The following ARMH1 variants were observed in gnomAD, a reference collection of about 807,000 sequenced individuals.
ARMH1 encodes armadillo-like helical domain containing protein 1.
Under a neutral mutation model 50.2 loss-of-function variants are expected in ARMH1, and 34 were observed. The observed-to-expected ratio is 0.68, with a 90% confidence interval of 0.51 to 0.90. The LOEUF is 0.90. Ranked by LOEUF, ARMH1 falls within the 40% of genes least tolerant of loss-of-function variation. The probability of loss-of-function intolerance (pLI) is 0.00; values close to 1 mark genes in which losing one functional copy is unlikely to be tolerated. For synonymous variants in ARMH1, 221 were observed against 224.2 expected, an observed-to-expected ratio of 0.99 and a Z score of 0.13; for missense variants, 538 against 553.9, an observed-to-expected ratio of 0.97 and a Z score of 0.29.
In ARMH1 at chr1:44,724,696, G is replaced by T; in HGVS notation, c.1050+28G>T. 6.8e-7 allele frequency: 1 copy of T among 1,481,024 alleles called. No individual in the cohort carries two copies. The allele number at this position is 1,481,024 out of a possible 1,614,324, so 91.7% of individuals were successfully genotyped here. ...GCGCGCGGCGGCTGGTTAGGGGGCG[G>T]GAAGGGCGGCGGCACCCGCAGCCCC... On this transcript the variant is annotated intron_variant, in intron 9 of 11. Transcript: ENST00000535358. This position sits in a 1 kb window ranked among gnomAD's most constrained non-coding sequence, Gnocchi z 6.4.
intron 6 of ARMH1, among the ~76,000 whole-genome samples, chr1:44,712,205 T>C (rs1480758187): frequency 6.6e-6 from 1 of 152,154 alleles, no homozygotes; most frequent in Non-Finnish European, 1.5e-5. Flanking sequence ...TCACCTGTAA[T>C]CCCAGAACTT....
intron 4 of ARMH1, among the ~76,000 whole-genome samples, chr1:44,700,346 C>G (rs532366132): frequency 6.5e-4 from 99 of 152,228 alleles, no homozygotes; most frequent in Admixed American, 1.5e-3. Context: ...GGCCGGGCGC[C>G]GTGGCTCACG....
At chr1:44,717,679 C>G (rs1425528677) in intron 6 of ARMH1, among the ~76,000 whole-genome samples, 1 of 152,228 alleles carries the variant, frequency 6.6e-6, no homozygotes, top group Admixed American at 6.5e-5. Context: ...CTGGCACAGA[C>G]AAGATGCTCA....
At chr1:44,709,398 C>A (rs2093196) in intron 6 of ARMH1, among the ~76,000 whole-genome samples, 1 of 152,098 alleles carries the variant, frequency 6.6e-6, no homozygotes, top group East Asian at 1.9e-4. Context: ...CTCAGGCAGG[C>A]GCGGTGGCTC....
intron 1 of ARMH1, among the ~76,000 whole-genome samples, chr1:44,687,228 C>G (rs1399826467): frequency 6.6e-6 from 1 of 152,174 alleles, no homozygotes; most frequent in Non-Finnish European, 1.5e-5. Flanking sequence ...TGTGTCTTCA[C>G]CTGGTTTTCT....
At chr1:44,704,516 G>GT (rs1646248512) in intron 6 of ARMH1, among the ~76,000 whole-genome samples, 2 of 122,276 alleles carry the variant, frequency 1.6e-5, no homozygotes, top group Non-Finnish European at 3.5e-5. Context: ...GTTTTTGCTG[G>GT]GTTTTTTTTT....
At position 44,683,827 on chromosome 1, in the gene ARMH1, G is replaced by A. The variant is rs1645384483; in HGVS notation, c.-22-5849G>A. 6.6e-6 allele frequency among the ~76,000 whole-genome samples: 1 copy of A among 152,184 alleles called. No homozygotes were observed. Among genetic ancestry groups the A allele is most frequent in the Non-Finnish European group, 1.5e-5 (1 of 68,028 alleles). ...TCTTCATCTGAAAGTTGTGGATAAT[G>A]ATGACCTCCTGAGGATCTTAAGAGG... On this transcript the variant is annotated intron_variant, in intron 1 of 11. Transcript: ENST00000535358. This position sits in a 1 kb window ranked among gnomAD's most constrained non-coding sequence, Gnocchi z 4.2.
intron 6 of ARMH1, among the ~76,000 whole-genome samples, chr1:44,717,328 A>T (rs1004592995): frequency 6.6e-6 from 1 of 152,154 alleles, no homozygotes; most frequent in African/African-American, 2.4e-5. Flanking sequence ...CTGATGCATG[A>T]CCCAGCATCC....
intron 6 of ARMH1, among the ~76,000 whole-genome samples, chr1:44,707,642 A>G (rs1430945990): frequency 6.6e-6 from 1 of 152,104 alleles, no homozygotes; most frequent in East Asian, 1.9e-4. Flanking sequence ...GGCTGCCCTC[A>G]AACTCCTGGG....
intron 6 of ARMH1, among the ~76,000 whole-genome samples, chr1:44,710,525 C>T (rs1263882814): frequency 1.4e-5 from 2 of 145,344 alleles, no homozygotes; most frequent in African/African-American, 5.1e-5. Flanking sequence ...AGGAGAATGG[C>T]GTGAACCCAG....
intron 6 of ARMH1, chr1:44,721,664 G>C (rs187817916): frequency 6.6e-6 from 1 of 152,092 alleles, no homozygotes; most frequent in African/African-American, 2.4e-5. Flanking sequence ...GGGAGATGGA[G>C]GTTGTAGTGA....
chr1:44,709,516 CA>C (rs1018834769), intron 6 of ARMH1, among the ~76,000 whole-genome samples: 12 of 152,088 alleles, frequency 7.9e-5, no homozygotes, highest in South Asian at 2.1e-4. Context: ...ACTAAAAATA[CA>C]AAAAATTAGC....
Position 44,725,183 on chromosome 1 carries a change from C to T in ARMH1, c.1176C>T (p.Asp392=). Residue 392 remains aspartate, a synonymous_variant, in exon 11 of 12, where the codon GAC becomes GAT. Coordinates refer to ENST00000535358, the MANE Select transcript of ARMH1 (RefSeq NM_001145636.2). ...TGAAAATAGACAGCATTCAGGCGGA[C>T]ATCTTGGCGGCCAACACAGTCAATG... ...LYMKIDSIQA[D]ILAANTVNVT... is the part of the protein sequence containing the mutation. The T allele has an allele frequency of 4.5e-6, 7 of 1,552,056 alleles. No homozygotes were observed. The highest frequency in any genetic ancestry group is 2.0e-5 in the Admixed American group (1 of 51,010).
At chr1:44,705,453 A>G (rs1035516753) in intron 6 of ARMH1, among the ~76,000 whole-genome samples, 2 of 152,086 alleles carry the variant, frequency 1.3e-5, no homozygotes, top group East Asian at 1.9e-4. Context: ...AGATCTCGCC[A>G]CTGCACTCCA....
chr1:44,721,747 C>T (rs1012171698), intron 6 of ARMH1: 5 of 151,984 alleles, frequency 3.3e-5, no homozygotes, highest in South Asian at 2.1e-4. Flanking sequence ...AAGCATGAAA[C>T]ACCCCACCCA....
chr1:44,725,152 T>G lies in ARMH1; in HGVS notation c.1145T>G (p.Leu382Trp), dbSNP rs1362393570. Residue 382 changes from leucine (L) to tryptophan (W), a missense_variant, in exon 11 of 12, where the codon TTG becomes TGG. Leu to Trp is a moderately conservative substitution (Grantham distance 61). Transcript: ENST00000535358. Reference sequence around the variant, plus strand: ...TGTCCTCAGAGCAACGCTGAGGACTTGTACATGAAAATAGACAGCATTCAG... The same window carrying G: ...TGTCCTCAGAGCAACGCTGAGGACTGGTACATGAAAATAGACAGCATTCAG... ...YQLFLSNAED[L>W]YMKIDSIQAD... is the part of the protein sequence containing the mutation. 2 of 1,551,782 alleles carry G rather than the reference T, an allele frequency of 1.3e-6. No individual in the cohort carries two copies. Among genetic ancestry groups the G allele is most frequent in the East Asian group, 2.4e-5 (1 of 40,926 alleles).
At chr1:44,710,346 A>T (rs1646547481) in intron 6 of ARMH1, among the ~76,000 whole-genome samples, 1 of 152,158 alleles carries the variant, frequency 6.6e-6, no homozygotes, top group South Asian at 2.1e-4. Context: ...ATGGTGGCTC[A>T]CACCTGTAAT....
At chr1:44,687,371 C>T (rs1259982850) in intron 1 of ARMH1, among the ~76,000 whole-genome samples, 2 of 152,192 alleles carry the variant, frequency 1.3e-5, no homozygotes, top group Non-Finnish European at 2.9e-5. Flanking sequence ...ACAGCCACAT[C>T]CCGAGTTACT....
chr1:44,676,925 T>TGGTG (rs1645158623), intron 1 of ARMH1, among the ~76,000 whole-genome samples: 1 of 152,154 alleles, frequency 6.6e-6, no homozygotes, highest in South Asian at 2.1e-4. Context: ...TAACTGAGAA[T>TGGTG]GGTGCCCTTG....
Sources: gnomAD v4.1 joint callset for allele counts (sites outside exome capture counted in the v4.1 genomes callset) on GRCh38, gnomAD v4.1.1 for gene constraint, Gnocchi (gnomAD v3.1) non-coding constraint, MANE v1.5 for transcripts, NCBI Gene and HGNC (gene_info 2026-07-23, HGNC 2026-07-21) for gene names.